KDM2B: variants seen among roughly 807,000 people sequenced by gnomAD.
The protein encoded by KDM2B is lysine-specific demethylase 2B.
In KDM2B, 26 loss-of-function variants were observed where a neutral mutation model predicts 150.0. The ratio of observed to expected loss-of-function variants is 0.17; its 90% confidence interval spans 0.13 to 0.24. The LOEUF (loss-of-function observed/expected upper bound fraction) is 0.24, where lower values mean the gene tolerates loss of function less well. KDM2B is among the 10% of genes least tolerant of loss of function. KDM2B has a pLI of 1.00. For synonymous variants in KDM2B, 734 were observed against 729.5 expected (o/e 1.01, Z -0.10); for missense variants, 1,265 against 1,816.9 (o/e 0.70, Z 5.52).
chr12:121,515,694 A>G (rs1555304876), intron 9 of KDM2B, among the ~76,000 whole-genome samples: 1 of 151,892 alleles, frequency 6.6e-6, no homozygotes, highest in African/African-American at 2.4e-5. Context: ...GCCCAAACCC[A>G]GCGTCTCTGA....
intron 12 of KDM2B, among the ~76,000 whole-genome samples, chr12:121,466,560 G>C (rs1410829280): frequency 6.6e-6 from 1 of 151,840 alleles, no homozygotes; most frequent in Admixed American, 6.6e-5. Context: ...CGGGTTCCGG[G>C]TGGCCCGCGC....
At position 121,429,821 on chromosome 12, in the gene KDM2B, C is replaced by G. The variant is rs547482960; in HGVS notation, c.*467G>C. 5.5e-6 allele frequency: 3 copies of G among 548,584 alleles called. No individual in the cohort carries two copies. The highest frequency in any genetic ancestry group is 3.7e-5 in the African/African-American group (2 of 53,426). The allele number at this position is 548,584 out of a possible 1,614,324, so 34.0% of individuals were successfully genotyped here. On this transcript the variant is annotated 3_prime_UTR_variant, in exon 23 of 23. Coordinates refer to ENST00000377071, the MANE Select transcript of KDM2B (RefSeq NM_032590.5). ...TTAAACAATTTGTACAAAAATAGTT[C>G]TGCATAATGTAAGATGTAACAAAAC...
chr12:121,417,937 C>T, the KDM2B span: 41 of 1,603,452 alleles, frequency 2.6e-5, no homozygotes, highest in Middle Eastern at 1.7e-4. The surrounding 1 kb of genome is among the most constrained non-coding windows in gnomAD (Gnocchi z 5.0). Flanking sequence ...TAATTACACC[C>T]AGGGCCCGGC....
At chr12:121,421,402 A>G in the KDM2B span, among the ~76,000 whole-genome samples, 2 of 146,284 alleles carry the variant, frequency 1.4e-5, no homozygotes, top group Admixed American at 6.9e-5. Flanking sequence ...AAAAAAACCA[A>G]AAAAACCTGG....
the KDM2B span, chr12:121,416,175 T>C: frequency 4.3e-6 from 7 of 1,614,026 alleles, no homozygotes; most frequent in African/African-American, 1.3e-5. Context: ...GCCACGTCTA[T>C]GTGGGCTTCG....
intron 12 of KDM2B, among the ~76,000 whole-genome samples, chr12:121,455,503 G>A (rs1555292553): frequency 6.6e-6 from 1 of 152,168 alleles, no homozygotes; most frequent in East Asian, 1.9e-4. Context: ...TTGAGGTCAG[G>A]AGTTCAACAT....
intron 10 of KDM2B, among the ~76,000 whole-genome samples, chr12:121,510,950 G>C (rs1566357475): frequency 6.6e-6 from 1 of 151,870 alleles, no homozygotes; most frequent in African/African-American, 2.4e-5. Flanking sequence ...GCTGGGGAAA[G>C]GGCAGGGTAG....
At position 121,520,955 on chromosome 12, in the gene KDM2B, G is replaced by A. The variant is rs1164711844; in HGVS notation, c.1047+30C>T. Reference sequence around the variant, plus strand: ...CCGGCAGAGCTCAGGGGCCAGGCGCGCACGCGAGGACAGAAGGGAACCTCC... The same window carrying A: ...CCGGCAGAGCTCAGGGGCCAGGCGCACACGCGAGGACAGAAGGGAACCTCC... On this transcript the variant is annotated intron_variant, in intron 9 of 22. Transcript: ENST00000377071. This position sits in a 1 kb window ranked among gnomAD's most constrained non-coding sequence, Gnocchi z 4.5. The A allele has an allele frequency of 8.3e-6, 13 of 1,560,820 alleles. No individual in the cohort carries two copies. The highest frequency in any genetic ancestry group is 1.7e-4 in the Middle Eastern group (1 of 5,904).
chr12:121,483,156 C>A (rs1480783059), intron 12 of KDM2B, among the ~76,000 whole-genome samples: 1 of 151,634 alleles, frequency 6.6e-6, no homozygotes, highest in African/African-American at 2.4e-5. Context: ...GAGCAAGACC[C>A]CATCTCAAAA....
At position 121,543,248 on chromosome 12, in the gene KDM2B, T is replaced by G. The variant is rs185492298; in HGVS notation, c.683+5629A>C. 7.9e-3 allele frequency among the ~76,000 whole-genome samples: 1,198 copies of G among 152,030 alleles called. 11 individuals carry two copies. Among genetic ancestry groups the G allele is most frequent in the African/African-American group, 0.028 (1,148 of 41,492 alleles). The stretch of plus-strand genomic sequence containing the variant: ...GCGGGAGCCTGTAATCCCAGCTACT[T>G]GGGAGGCTGATGCAGGAGAATCGCT... On this transcript the variant is annotated intron_variant, in intron 6 of 22. Transcript: ENST00000377071.
At chr12:121,460,798 T>C (rs1378857975) in intron 12 of KDM2B, among the ~76,000 whole-genome samples, 4 of 152,160 alleles carry the variant, frequency 2.6e-5, no homozygotes, top group Non-Finnish European at 5.9e-5. Context: ...GGTCTTGCTA[T>C]GTAACCCAGG....
At chr12:121,413,174 T>C in the KDM2B span, among the ~76,000 whole-genome samples, 9 of 151,778 alleles carry the variant, frequency 5.9e-5, no homozygotes, top group African/African-American at 1.9e-4. Context: ...TACAGGCATC[T>C]GCCAATACGC....
At chr12:121,542,017 C>T (rs1292307023) in intron 6 of KDM2B, among the ~76,000 whole-genome samples, 4 of 152,132 alleles carry the variant, frequency 2.6e-5, no homozygotes, top group Non-Finnish European at 5.9e-5. Flanking sequence ...ATTCTCCTCC[C>T]CTTGAGTATG....
rs1886602880 is a variant in KDM2B at position 121,520,630 on chromosome 12, A to G, written c.1047+355T>C. On this transcript the variant is annotated intron_variant, in intron 9 of 22. Coordinates refer to ENST00000377071, the MANE Select transcript of KDM2B (RefSeq NM_032590.5). The surrounding 1 kb of genome is among the most constrained non-coding windows in gnomAD (Gnocchi z 4.5). The stretch of plus-strand genomic sequence containing the variant: ...AAGGTCCACACCCATCCTCCAAACA[A>G]CAGCGACCAAATCCCCCTAATCCCT... Among the ~76,000 whole-genome samples the G allele has an allele frequency of 6.6e-6, 1 of 152,044 alleles. No individual in the cohort carries two copies. The highest frequency in any genetic ancestry group is 2.4e-5 in the African/African-American group (1 of 41,402).
At chr12:121,454,056 T>TCATTCC (rs1555292293) in intron 12 of KDM2B, among the ~76,000 whole-genome samples, 1 of 123,670 alleles carries the variant, frequency 8.1e-6, no homozygotes, top group Non-Finnish European at 1.6e-5. Context: ...TGATGCCCAC[T>TCATTCC]CATTCCGTCT....
chr12:121,519,011 G>A (rs965492851), intron 9 of KDM2B, among the ~76,000 whole-genome samples: 8 of 152,174 alleles, frequency 5.3e-5, no homozygotes, highest in African/African-American at 1.7e-4. Context: ...GGGATGGTGG[G>A]CCACAGAGAG....
At chr12:121,568,977 C>T (rs1485417261) in intron 4 of KDM2B, among the ~76,000 whole-genome samples, 5 of 152,054 alleles carry the variant, frequency 3.3e-5, no homozygotes, top group Admixed American at 2.6e-4. Context: ...GTCCTGAACA[C>T]CTGGTAGTGC....
chr12:121,467,334 T>G lies in KDM2B; in HGVS notation c.1735-13990A>C. 3.1e-6 allele frequency: 3 copies of G among 981,258 alleles called. No homozygotes were observed. The highest frequency in any genetic ancestry group is 3.6e-6 in the Non-Finnish European group (3 of 828,530). 60.8% of individuals were successfully genotyped at this position (981,258 alleles called of 1,614,324 possible). A position where few individuals can be genotyped will look rare whatever the true frequency, so the allele number is the denominator to read the frequency against. On this transcript the variant is annotated intron_variant, in intron 12 of 22. Coordinates refer to ENST00000377071, the MANE Select transcript of KDM2B (RefSeq NM_032590.5). This position sits in a 1 kb window ranked among gnomAD's most constrained non-coding sequence, Gnocchi z 5.1. ...CTCGGGCTCGGGCTCGGGCTCCCGC[T>G]GCCGCGAGGAGGGAGCCGCGCCGCG...
At chr12:121,510,952 G>A (rs1028352794) in intron 10 of KDM2B, among the ~76,000 whole-genome samples, 9 of 151,826 alleles carry the variant, frequency 5.9e-5, no homozygotes, top group African/African-American at 2.2e-4. Context: ...TGGGGAAAGG[G>A]CAGGGTAGGG....
Sources: gnomAD v4.1 joint callset for allele counts (sites outside exome capture counted in the v4.1 genomes callset) on GRCh38, gnomAD v4.1.1 for gene constraint, Gnocchi (gnomAD v3.1) non-coding constraint, MANE v1.5 for transcripts, NCBI Gene and HGNC (gene_info 2026-07-23, HGNC 2026-07-21) for gene names.